Variants in NRXN2 observed in about 807,000 individuals in gnomAD.
The protein encoded by NRXN2 is neurexin-2-beta.
In NRXN2, 29 loss-of-function variants were observed where a neutral mutation model predicts 128.8. That is an observed-to-expected ratio of 0.23 (90% CI 0.17 to 0.31). The LOEUF (loss-of-function observed/expected upper bound fraction) is 0.31, where lower values mean the gene tolerates loss of function less well. NRXN2 is among the 10% of genes least tolerant of loss of function. NRXN2 has a pLI of 1.00. For missense variants in NRXN2, 1,881 were observed against 2,452.6 expected (o/e 0.77, Z 4.92); for synonymous variants, 1,098 against 1,075.2 (o/e 1.02, Z -0.41).
intron 9 of NRXN2, among the ~76,000 whole-genome samples, chr11:64,664,442 C>A (rs537883353): frequency 2.7e-5 from 4 of 148,372 alleles, no homozygotes; most frequent in African/African-American, 1.0e-4. Context: ...TGCGCCACTG[C>A]GCTCCAGCCT....
intron 12 of NRXN2, among the ~76,000 whole-genome samples, chr11:64,652,614 C>T (rs1010518205): frequency 6.6e-6 from 1 of 152,298 alleles, no homozygotes; most frequent in South Asian, 2.1e-4. Context: ...TTCAAAACTT[C>T]ACACAGTACC....
intron 17 of NRXN2, among the ~76,000 whole-genome samples, chr11:64,641,591 T>C (rs1363681729): frequency 6.6e-6 from 1 of 150,764 alleles, no homozygotes; most frequent in Non-Finnish European, 1.5e-5. Context: ...AGAGATGGCA[T>C]GCAGAGAATC....
At position 64,630,902 on chromosome 11, in the gene NRXN2, G is replaced by A. The variant is rs1245436161; in HGVS notation, c.3586-329C>T. 1.3e-5 allele frequency among the ~76,000 whole-genome samples: 2 copies of A among 152,192 alleles called. No homozygotes were observed. The highest frequency in any genetic ancestry group is 2.9e-5 in the Non-Finnish European group (2 of 68,026). ...CCACTGGGCCCAGACAGGGGTGATCGGGCCAAGCTGGGGACCAGCTCGGGG... is the reference window on the plus strand; with the variant it reads ...CCACTGGGCCCAGACAGGGGTGATCAGGCCAAGCTGGGGACCAGCTCGGGG... On this transcript the variant is annotated intron_variant, in intron 18 of 22. Coordinates refer to ENST00000265459, the MANE Select transcript of NRXN2 (RefSeq NM_015080.4). The surrounding 1 kb of genome is among the most constrained non-coding windows in gnomAD (Gnocchi z 4.6).
Position 64,635,165 on chromosome 11 carries a change from T to C in NRXN2, c.3585+106A>G. 7.7e-7 allele frequency: 1 copy of C among 1,301,876 alleles called. No individual in the cohort carries two copies. Among genetic ancestry groups the C allele is most frequent in the South Asian group, 1.2e-5 (1 of 82,078 alleles). The allele number at this position is 1,301,876 out of a possible 1,614,324, so 80.6% of individuals were successfully genotyped here. On this transcript the variant is annotated intron_variant, in intron 18 of 22. Coordinates refer to ENST00000265459, the MANE Select transcript of NRXN2 (RefSeq NM_015080.4). This position sits in a 1 kb window ranked among gnomAD's most constrained non-coding sequence, Gnocchi z 4.8. ...ATGAGGGAACAGAGGTTCTGAGGGT[T>C]CCCCATGAGGGAAGACTTGAGGTGC...
intron 15 of NRXN2, 48 bp downstream of exon 15, chr11:64,650,400 G>A (rs1258457196): frequency 6.3e-7 from 1 of 1,595,736 alleles, no homozygotes; most frequent in Non-Finnish European, 8.6e-7. Flanking sequence ...GCTGGGGTGA[G>A]GGGTATCTGG....
chr11:64,661,467 C>T (rs953992477), intron 9 of NRXN2: 9 of 1,173,046 alleles, frequency 7.7e-6, no homozygotes, highest in South Asian at 7.6e-5. Flanking sequence ...ATCTTGAGCT[C>T]GGAAAGGGTT....
chr11:64,647,849 GT>G (rs2135442163), intron 17 of NRXN2, among the ~76,000 whole-genome samples: 1 of 152,322 alleles, frequency 6.6e-6, no homozygotes, highest in South Asian at 2.1e-4. Context: ...TCTGTGTGAG[GT>G]ACAAGTACAT....
intron 17 of NRXN2, among the ~76,000 whole-genome samples, chr11:64,642,252 G>A (rs991077327): frequency 1.3e-5 from 2 of 152,002 alleles, no homozygotes; most frequent in African/African-American, 4.8e-5. Flanking sequence ...GGAAGTAGAA[G>A]GAGATAATGA....
chr11:64,712,386 T>G (rs1448317600), intron 2 of NRXN2, among the ~76,000 whole-genome samples: 2 of 147,430 alleles, frequency 1.4e-5, no homozygotes, highest in South Asian at 2.2e-4. Flanking sequence ...CAGCCCACAC[T>G]GGCCTTCCAC....
rs2043636736 is a variant in NRXN2, at chr11:64,630,011, C to A, written c.3757+391G>T. Among the ~76,000 whole-genome samples, 1 of 152,100 alleles carries A rather than the reference C, an allele frequency of 6.6e-6. No homozygotes were observed. Among genetic ancestry groups the A allele is most frequent in the Non-Finnish European group, 1.5e-5 (1 of 68,020 alleles). On this transcript the variant is annotated intron_variant, in intron 19 of 22. Coordinates refer to ENST00000265459, the MANE Select transcript of NRXN2 (RefSeq NM_015080.4). This position sits in a 1 kb window ranked among gnomAD's most constrained non-coding sequence, Gnocchi z 4.6. Reference sequence around the variant, plus strand: ...TTTATATTACTTCTGGATTTTCTCTCCTGTTTCTGCATCTGTCTCCCTCAT... The same window carrying A: ...TTTATATTACTTCTGGATTTTCTCTACTGTTTCTGCATCTGTCTCCCTCAT...
At chr11:64,698,136 C>G (rs77879841) in intron 2 of NRXN2, among the ~76,000 whole-genome samples, 1,984 of 152,310 alleles carry the variant, frequency 0.013, 25 homozygotes, top group Middle Eastern at 0.027. Flanking sequence ...GAGTGGCAGT[C>G]AGGCTTCTCA....
chr11:64,679,207 A>G (rs962734242), intron 6 of NRXN2, among the ~76,000 whole-genome samples: 6 of 152,260 alleles, frequency 3.9e-5, no homozygotes, highest in Non-Finnish European at 1.5e-5. Flanking sequence ...CAAGGCAGGA[A>G]GAAAAAGGCA....
rs967710634 is a variant in NRXN2, at chr11:64,630,269, C to T, written c.3757+133G>A. ...GTCCCGCCTCGCAAGCTTCGTCTCT[C>T]CAGTAGCCCCGCCCCAGAGCCGCTT... On this transcript the variant is annotated intron_variant, in intron 19 of 22. Transcript: ENST00000265459. The surrounding 1 kb of genome is among the most constrained non-coding windows in gnomAD (Gnocchi z 4.6). 3.1e-5 allele frequency: 26 copies of T among 831,398 alleles called. No homozygotes were observed. The African/African-American group carries it at 4.2e-4, about 14-fold the overall frequency. The allele number at this position is 831,398 out of a possible 1,614,324, so 51.5% of individuals were successfully genotyped here.
rs549141550 is a variant in NRXN2, at chr11:64,632,866, C to A, written c.3586-2293G>T. Among the ~76,000 whole-genome samples the A allele has an allele frequency of 1.3e-5, 2 of 152,202 alleles. No individual in the cohort carries two copies. Among genetic ancestry groups the A allele is most frequent in the African/African-American group, 2.4e-5 (1 of 41,458 alleles). ...AAATTAATTTGGCAAAGTGGAGCGA[C>A]GCTTTATTAGAAACGTCAAATTGCT... On this transcript the variant is annotated intron_variant, in intron 18 of 22. Transcript: ENST00000265459. The surrounding 1 kb of genome is among the most constrained non-coding windows in gnomAD (Gnocchi z 4.2).
intron 18 of NRXN2, among the ~76,000 whole-genome samples, chr11:64,633,360 CA>C (rs1395712505): frequency 6.6e-6 from 1 of 152,224 alleles, no homozygotes; most frequent in Non-Finnish European, 1.5e-5. Context: ...ACGTTCTTCA[CA>C]TAAGTGATCT....
chr11:64,698,638 G>A (rs1354850455), intron 2 of NRXN2, among the ~76,000 whole-genome samples: 1 of 152,202 alleles, frequency 6.6e-6, no homozygotes, highest in Non-Finnish European at 1.5e-5. Context: ...AAATTCAGTG[G>A]GCCACACTGG....
At position 64,660,286 on chromosome 11, in the gene NRXN2, G is replaced by A; in HGVS notation, c.2389+46C>T. On this transcript the variant is annotated intron_variant, in intron 11 of 22. Transcript: ENST00000265459. This position sits in a 1 kb window ranked among gnomAD's most constrained non-coding sequence, Gnocchi z 5.2. The stretch of plus-strand genomic sequence containing the variant: ...CAGACAGAGGCAGGTGTGGGTCAGA[G>A]ACAAGGCCAGGTGAGGGGTCAGGAA... 6.3e-7 allele frequency: 1 copy of A among 1,597,462 alleles called. No individual in the cohort carries two copies.
At position 64,660,855 on chromosome 11, in the gene NRXN2, C is replaced by T. The variant is rs1466422395; in HGVS notation, c.2083G>A (p.Ala695Thr). Residue 695 changes from alanine (A) to threonine (T), a missense_variant, in exon 10 of 23, where the codon GCA becomes ACA. Around this residue, in one of 7 missense-constraint regions of NRXN2, gnomAD observed 997 missense variants for 1,240.8 expected, o/e 0.80. Coordinates refer to ENST00000265459, the MANE Select transcript of NRXN2 (RefSeq NM_015080.4). This position sits in a 1 kb window ranked among gnomAD's most constrained non-coding sequence, Gnocchi z 5.2. Reference sequence around the variant, plus strand: ...CCCCCATTGCGACAGGGGGCAGATGCACACTGCTTCAGCGTCTCCCGGGAG... The same window carrying T: ...CCCCCATTGCGACAGGGGGCAGATGTACACTGCTTCAGCGTCTCCCGGGAG... ...FCSRETLKQC[A>T]SAPCRNGGVC... 5.0e-6 allele frequency: 8 copies of T among 1,613,848 alleles called. No individual in the cohort carries two copies. Among genetic ancestry groups the T allele is most frequent in the East Asian group, 2.2e-5 (1 of 44,884 alleles).
intron 5 of NRXN2, chr11:64,688,698 T>C: frequency 1.0e-6 from 1 of 985,344 alleles, no homozygotes; most frequent in Non-Finnish European, 1.2e-6. Context: ...TGCTCGTTTA[T>C]CTCCCACAGT....
Sources: gnomAD v4.1 joint callset for allele counts (sites outside exome capture counted in the v4.1 genomes callset) on GRCh38, gnomAD v4.1.1 for gene constraint, gnomAD v4.1.1 regional missense constraint, Gnocchi (gnomAD v3.1) non-coding constraint, MANE v1.5 for transcripts, NCBI Gene and HGNC (gene_info 2026-07-23, HGNC 2026-07-21) for gene names.